Variants in PAK4 observed in about 807,000 individuals in gnomAD.
The protein encoded by PAK4 is serine/threonine-protein kinase PAK 4.
PAK4 carries 49 observed loss-of-function variants against 53.5 expected under a neutral mutation model. That is an observed-to-expected ratio of 0.92 (90% confidence interval 0.73 to 1.16). PAK4 has a LOEUF of 1.16. Among genes scored for constraint, PAK4 ranks in the 50% most tolerant of loss-of-function variants. The pLI is 0.00. For missense variants in PAK4, 824 were observed against 850.7 expected (o/e 0.97, Z 0.39); for synonymous variants, 376 against 375.6 (o/e 1.00, Z -0.01).
intron 1 of PAK4, among the ~76,000 whole-genome samples, chr19:39,158,412 TGA>T (rs2074229651): frequency 6.6e-6 from 1 of 152,098 alleles, no homozygotes; most frequent in Admixed American, 6.5e-5. Flanking sequence ...TGCTGGAGCC[TGA>T]GAGGGGCAGG....
intron 4 of PAK4, 58 bp downstream of exon 5, chr19:39,174,068 C>T: frequency 9.3e-7 from 1 of 1,078,634 alleles, no homozygotes; most frequent in Non-Finnish European, 1.3e-6. Context: ...CTCCCACCCT[C>T]CCTCCCCTCC....
chr19:39,169,420 A>G (rs1047363436), intron 1 of PAK4, 112 bp from the exon 3 acceptor site: 5 of 758,844 alleles, frequency 6.6e-6, no homozygotes, highest in South Asian at 3.3e-5. Context: ...GAAGGAGGCT[A>G]CTGCCTCCTG....
chr19:39,174,282 G>A (rs950166634), intron 4 of PAK4, among the ~76,000 whole-genome samples: 7 of 151,492 alleles, frequency 4.6e-5, no homozygotes, highest in Non-Finnish European at 1.0e-4. Context: ...CAGGCCCCTC[G>A]CACCCACTGA....
intron 1 of PAK4, among the ~76,000 whole-genome samples, chr19:39,158,089 CAT>C (rs1568513572): frequency 1.3e-5 from 2 of 148,566 alleles, no homozygotes; most frequent in African/African-American, 2.5e-5. Context: ...TGTGTGTGTG[CAT>C]GTGTGTGCAT....
At chr19:39,129,201 T>C (rs1395781246) in intron 1 of PAK4, among the ~76,000 whole-genome samples, 1 of 151,926 alleles carries the variant, frequency 6.6e-6, no homozygotes, top group East Asian at 1.9e-4. Context: ...GCACACCTGC[T>C]CCCCGCTTTG....
In PAK4 at chr19:39,173,708, G is replaced by A. The variant is rs749192033; in HGVS notation, c.796G>A (p.Ala266Thr). 8.4e-5 allele frequency: 132 copies of A among 1,580,770 alleles called. 2 individuals are homozygous for A. Among genetic ancestry groups the A allele is most frequent in the Admixed American group, 1.1e-4 (6 of 56,122 alleles). Residue 266 changes from alanine (A) to threonine (T), a missense_variant, in exon 4 of 9, where the codon GCC becomes ACC. Ala to Thr is a moderately conservative substitution (Grantham distance 58). This residue lies in a region of PAK4 where 478 missense variants were observed against 435.8 expected (regional missense o/e 1.10). Transcript: ENST00000358301. This position sits in a 1 kb window ranked among gnomAD's most constrained non-coding sequence, Gnocchi z 6.9. ...CAGCCCTGGAGTGCTGGGACCCCACGCCTCAGAGCCCCAGCTGGCCCCTCC... is the reference window on the plus strand; with the variant it reads ...CAGCCCTGGAGTGCTGGGACCCCACACCTCAGAGCCCCAGCTGGCCCCTCC...
chr19:39,166,277 C>A (rs1600385228), intron 1 of PAK4, among the ~76,000 whole-genome samples: 1 of 152,306 alleles, frequency 6.6e-6, no homozygotes, highest in South Asian at 2.1e-4. Flanking sequence ...AACCCCATCT[C>A]TACTAAAAAT....
chr19:39,177,825 G>T lies in PAK4; in HGVS notation c.1620+16G>T, dbSNP rs775032104. The T allele has an allele frequency of 5.0e-6, 8 of 1,597,714 alleles. No homozygotes were observed. In the East Asian group the frequency reaches 1.8e-4, roughly 36 times the overall value. On this transcript the variant is annotated intron_variant, in intron 8 of 8. Coordinates refer to ENST00000358301, the Ensembl canonical transcript of PAK4. Reference sequence around the variant, plus strand: ...CCTGCACAAGGTAGGCCCCTCCCTGGCTGGGAAACTGTGCGCCAGCTGGCG... The same window carrying T: ...CCTGCACAAGGTAGGCCCCTCCCTGTCTGGGAAACTGTGCGCCAGCTGGCG...
intron 1 of PAK4, among the ~76,000 whole-genome samples, chr19:39,147,604 T>C (rs2074022114): frequency 6.6e-6 from 1 of 152,182 alleles, no homozygotes. Flanking sequence ...CATGTTATAT[T>C]ATCACCAGCA....
chr19:39,138,373 T>G (rs182805577), intron 1 of PAK4, among the ~76,000 whole-genome samples: 1 of 152,348 alleles, frequency 6.6e-6, no homozygotes, highest in African/African-American at 2.4e-5. Flanking sequence ...TCTTGACTTT[T>G]TGTAATTCCC....
chr19:39,135,526 G>C (rs1217027956), intron 1 of PAK4, among the ~76,000 whole-genome samples: 1 of 151,814 alleles, frequency 6.6e-6, no homozygotes, highest in Non-Finnish European at 1.5e-5. Flanking sequence ...GTAGAGACAG[G>C]GTTTTACCAT....
intron 1 of PAK4, among the ~76,000 whole-genome samples, chr19:39,160,617 A>G (rs2074268954): frequency 6.6e-6 from 1 of 152,210 alleles, no homozygotes; most frequent in South Asian, 2.1e-4. Context: ...AACAGCTGTG[A>G]TGAGTCCAAG....
At chr19:39,182,748 G>A (rs2074710298), downstream of PAK4, 1 of 152,032 alleles carries the variant, frequency 6.6e-6, no homozygotes, top group South Asian at 2.1e-4. Context: ...GAACCCAGGA[G>A]GCAGAGGTTT....
At chr19:39,174,242 C>T (rs867804108) in intron 4 of PAK4, among the ~76,000 whole-genome samples, 6 of 151,878 alleles carry the variant, frequency 4.0e-5, no homozygotes, top group South Asian at 2.1e-4. Flanking sequence ...CAGGGTTCCT[C>T]GGGCCACTGA....
At position 39,175,379 on chromosome 19, in the gene PAK4, C is replaced by G. The variant is rs2074583533; in HGVS notation, c.1300C>G (p.Gln434Glu). 1 of 1,610,330 alleles carries G rather than the reference C, an allele frequency of 6.2e-7. No homozygotes were observed. The highest frequency in any genetic ancestry group is 1.3e-5 in the African/African-American group (1 of 75,020). Reference sequence around the variant, plus strand: ...GCAGGCCCTGTCGGTGCTCCACGCCCAGGGCGTCATCCACCGGGACATCAA... The same window carrying G: ...GCAGGCCCTGTCGGTGCTCCACGCCGAGGGCGTCATCCACCGGGACATCAA... Residue 434 changes from glutamine to glutamate, a missense_variant, in exon 6 of 9, where the codon CAG becomes GAG. Physicochemically the swap from Gln to Glu is conservative, Grantham distance 29. Transcript: ENST00000358301. The surrounding 1 kb of genome is among the most constrained non-coding windows in gnomAD (Gnocchi z 4.7).
chr19:39,138,208 A>C (rs2073852370), intron 1 of PAK4, among the ~76,000 whole-genome samples: 1 of 151,702 alleles, frequency 6.6e-6, no homozygotes, highest in African/African-American at 2.4e-5. Flanking sequence ...TCCTGTTCTC[A>C]AACTTTTTTT....
chr19:39,174,968 T>G (rs2074571690), exon 5 of PAK4: 2 of 1,613,648 alleles, frequency 1.2e-6, no homozygotes, highest in Non-Finnish European at 1.7e-6. Context: ...GAGAATGTGG[T>G]GGAGATGTAC....
Position 39,161,787 on chromosome 19 carries a change from C to T in PAK4, c.-22-7745C>T, listed in dbSNP as rs572209921. On this transcript the variant is annotated intron_variant, in intron 1 of 8. Coordinates refer to ENST00000358301, the Ensembl canonical transcript of PAK4. This position sits in a 1 kb window ranked among gnomAD's most constrained non-coding sequence, Gnocchi z 4.5. ...CCCTGCTCCAGCCACGTGGCCTCCT[C>T]GCTGTCCCTTGACCATATCAAGCAA... 1.3e-5 allele frequency among the ~76,000 whole-genome samples: 2 copies of T among 152,024 alleles called. No individual in the cohort carries two copies. The highest frequency in any genetic ancestry group is 1.9e-4 in the East Asian group (1 of 5,148).
chr19:39,174,972 G>C, exon 5 of PAK4: 1 of 1,613,982 alleles, frequency 6.2e-7, no homozygotes, highest in Non-Finnish European at 8.5e-7. Flanking sequence ...ATGTGGTGGA[G>C]ATGTACAACA....
Sources: allele counts gnomAD v4.1 joint callset (sites outside exome capture counted in the v4.1 genomes callset), GRCh38; gene constraint gnomAD v4.1.1; regional missense constraint gnomAD v4.1.1; non-coding constraint Gnocchi (gnomAD v3.1); transcripts MANE v1.5; gene names NCBI Gene and HGNC (gene_info 2026-07-23, HGNC 2026-07-21).